The following MAN1A2 variants were observed in gnomAD, a reference collection of about 807,000 sequenced individuals.
MAN1A2 encodes mannosidase alpha class 1A member 2, also known as mannosyl-oligosaccharide 1,2-alpha-mannosidase IB.
MAN1A2 carries 26 observed loss-of-function variants against 75.7 expected under a neutral mutation model. That is an observed-to-expected ratio of 0.34 (90% CI 0.25 to 0.48). The LOEUF (loss-of-function observed/expected upper bound fraction) is 0.48, where lower values mean the gene tolerates loss of function less well. MAN1A2 is among the 20% of genes least tolerant of loss of function. The pLI is 0.99. For synonymous variants in MAN1A2, 247 were observed against 264.6 expected (o/e 0.93, Z 0.65); for missense variants, 562 against 775.5 (o/e 0.72, Z 3.27).
At chr1:117,417,873 C>T (rs1187601610) in intron 4 of MAN1A2, among the ~76,000 whole-genome samples, 4 of 151,606 alleles carry the variant, frequency 2.6e-5, no homozygotes, top group South Asian at 2.1e-4. Flanking sequence ...GCAGGAGGAT[C>T]GCTTGAGCCC....
chr1:117,455,923 A>G (rs1417649360), intron 6 of MAN1A2, among the ~76,000 whole-genome samples: 1 of 152,068 alleles, frequency 6.6e-6, no homozygotes, highest in Admixed American at 6.5e-5. Flanking sequence ...TAAAGCTGTT[A>G]TATTCATCTG....
intron 12 of MAN1A2, among the ~76,000 whole-genome samples, chr1:117,503,616 T>C (rs1438928191): frequency 2.0e-5 from 3 of 151,570 alleles, no homozygotes; most frequent in Non-Finnish European, 3.0e-5. Flanking sequence ...AATAAATATC[T>C]CTTCATACTC....
chr1:117,409,983 T>C (rs1647753124), intron 3 of MAN1A2, among the ~76,000 whole-genome samples: 1 of 151,970 alleles, frequency 6.6e-6, no homozygotes, highest in Admixed American at 6.6e-5. Context: ...TGCCCAAGTC[T>C]CTTTTATAAA....
chr1:117,394,878 A>AT (rs1653857945), intron 1 of MAN1A2, among the ~76,000 whole-genome samples: 1 of 152,170 alleles, frequency 6.6e-6, no homozygotes, highest in African/African-American at 2.4e-5. Context: ...GTTTTTATTT[A>AT]TTTTTTAAGG....
intron 1 of MAN1A2, among the ~76,000 whole-genome samples, chr1:117,396,716 C>A (rs146535347): frequency 0.011 from 1,610 of 152,198 alleles, 30 homozygotes; most frequent in Non-Finnish European, 0.011. Context: ...TTTGCTTTGG[C>A]AGTTGTAAAG....
intron 6 of MAN1A2, among the ~76,000 whole-genome samples, chr1:117,454,756 C>T (rs1219820985): frequency 2.6e-5 from 4 of 152,070 alleles, no homozygotes; most frequent in East Asian, 1.9e-4. Flanking sequence ...AATAATAACT[C>T]GCATAGTGGG....
chr1:117,405,637 A>G lies in MAN1A2; in HGVS notation c.647A>G (p.Asn216Ser), dbSNP rs766760146. The change falls in exon 3 of 13, where the codon AAC becomes AGC. Residue 216 changes from asparagine (N) to serine (S), a missense_variant. Physicochemically the swap from Asn to Ser is conservative, Grantham distance 46. Around this residue, in one of 2 missense-constraint regions of MAN1A2, gnomAD observed 434 missense variants for 645.7 expected, o/e 0.67. Coordinates refer to ENST00000356554, the MANE Select transcript of MAN1A2 (RefSeq NM_006699.5). ...ATTGCAAGGAAAGGACACTCCCCTA[A>G]CATATTTGGTAAGTTTACTTTTTCT... is the stretch of plus-strand genomic sequence containing the variant. The part of the protein sequence containing the change: ...RPIARKGHSP[N>S]IFGSSQMGAT... 2 of 1,580,250 alleles carry G rather than the reference A, an allele frequency of 1.3e-6. No homozygotes were observed. Among genetic ancestry groups the G allele is most frequent in the East Asian group, 4.5e-5 (2 of 44,572 alleles).
rs191057757 is a variant in MAN1A2, at chr1:117,513,493, G to A, written c.1794-9332G>A. On this transcript the variant is annotated intron_variant, in intron 12 of 12. Transcript: ENST00000356554. The stretch of plus-strand genomic sequence containing the variant: ...TTGTCCATTCACTTTTTGATGGTCC[G>A]TTAATCATGTGTTTTTGAAAGGAAT... Among the ~76,000 whole-genome samples the A allele has an allele frequency of 7.6e-4, 115 of 151,906 alleles. 1 individual carries two copies. Among genetic ancestry groups the A allele is most frequent in the African/African-American group, 2.6e-3 (109 of 41,456 alleles).
At chr1:117,377,657 C>T (rs55699440) in intron 1 of MAN1A2, among the ~76,000 whole-genome samples, 32,939 of 151,638 alleles carry the variant, frequency 0.22, 4,661 homozygotes, top group East Asian at 0.42. Context: ...ATATCCCATC[C>T]CAATATATAC....
At chr1:117,448,916 G>A (rs1053009275) in intron 6 of MAN1A2, among the ~76,000 whole-genome samples, 1 of 151,760 alleles carries the variant, frequency 6.6e-6, no homozygotes, top group Admixed American at 6.6e-5. Context: ...ACTCTGTGTT[G>A]AGCAAGTCTA....
chr1:117,474,977 G>A (rs1650271119), intron 8 of MAN1A2, among the ~76,000 whole-genome samples: 1 of 151,828 alleles, frequency 6.6e-6, no homozygotes, highest in Non-Finnish European at 1.5e-5. Context: ...GCTTCTTTCA[G>A]CATAATTATT....
At chr1:117,372,534 T>C (rs1279781883) in intron 1 of MAN1A2, among the ~76,000 whole-genome samples, 1 of 152,200 alleles carries the variant, frequency 6.6e-6, no homozygotes, top group African/African-American at 2.4e-5. Context: ...AGTTCATAAA[T>C]AATCCAGAAT....
chr1:117,424,367 T>C (rs1195761531), intron 5 of MAN1A2, among the ~76,000 whole-genome samples: 3 of 152,198 alleles, frequency 2.0e-5, no homozygotes, highest in Non-Finnish European at 1.5e-5. Context: ...TTTATTCTCT[T>C]CCACGATCAT....
At chr1:117,454,757 G>T (rs1380986910) in intron 6 of MAN1A2, among the ~76,000 whole-genome samples, 1 of 152,062 alleles carries the variant, frequency 6.6e-6, no homozygotes, top group African/African-American at 2.4e-5. Flanking sequence ...ATAATAACTC[G>T]CATAGTGGGG....
intron 8 of MAN1A2, among the ~76,000 whole-genome samples, chr1:117,483,251 A>T (rs1433657406): frequency 6.6e-6 from 1 of 152,104 alleles, no homozygotes; most frequent in Non-Finnish European, 1.5e-5. Context: ...TGAACTTTAA[A>T]GTAGTTTTTT....
rs765729107 is a variant in MAN1A2 at position 117,466,337 on chromosome 1, A to T, written c.1078A>T (p.Met360Leu). Residue 360 changes from methionine (M) to leucine (L), a missense_variant, in exon 8 of 13, where the codon ATG becomes TTG. Coordinates refer to ENST00000356554, the MANE Select transcript of MAN1A2 (RefSeq NM_006699.5). The stretch of plus-strand genomic sequence containing the variant: ...TTCTTAATTTTATTTTACTCAGGTT[A>T]TGCACATTCGGAAACTACTTCAGAA... ...TGDLTYYKKV[M>L]HIRKLLQKMD... The T allele has an allele frequency of 2.5e-6, 4 of 1,596,724 alleles. No individual in the cohort carries two copies. Among genetic ancestry groups the T allele is most frequent in the Non-Finnish European group, 3.4e-6 (4 of 1,166,146 alleles).
chr1:117,495,144 A>G (rs192839075), intron 9 of MAN1A2: 44 of 151,848 alleles, frequency 2.9e-4, no homozygotes, highest in South Asian at 6.2e-4. Flanking sequence ...AACCTTATAA[A>G]TTCACACTAT....
chr1:117,417,534 A>AATATATATATATATATATATATGAT, intron 4 of MAN1A2, among the ~76,000 whole-genome samples: 1 of 89,208 alleles, frequency 1.1e-5, no homozygotes, highest in African/African-American at 4.5e-5. Context: ...CTTGAGTTTA[A>AATATATATATATATATATATATGAT]ATATATATAT....
chr1:117,509,062 A>G (rs927335774), intron 12 of MAN1A2, among the ~76,000 whole-genome samples: 4 of 151,678 alleles, frequency 2.6e-5, no homozygotes, highest in African/African-American at 7.3e-5. Context: ...AGATGGCATG[A>G]TACAAAACCC....
Sources: allele counts gnomAD v4.1 joint callset (sites outside exome capture counted in the v4.1 genomes callset), GRCh38; gene constraint gnomAD v4.1.1; regional missense constraint gnomAD v4.1.1; transcripts MANE v1.5; gene names NCBI Gene and HGNC (gene_info 2026-07-23, HGNC 2026-07-21).